Variants in TNKS observed in about 807,000 individuals in gnomAD.
TNKS encodes the protein poly [ADP-ribose] polymerase tankyrase-1.
Under a neutral mutation model 135.8 loss-of-function variants are expected in TNKS, and 72 were observed. The observed-to-expected ratio is 0.53, with a 90% CI of 0.44 to 0.64. TNKS has a LOEUF of 0.64. Among genes scored for constraint, TNKS ranks in the 30% least tolerant of loss-of-function variants. TNKS has a pLI of 0.00. For synonymous variants in TNKS, 849 were observed against 649.3 expected, an observed-to-expected ratio of 1.31 and a Z score of -4.68; for missense variants, 1,769 against 1,674.0, an observed-to-expected ratio of 1.06 and a Z score of -0.99.
At chr8:9,644,841 A>G (rs1009467933) in intron 3 of TNKS, among the ~76,000 whole-genome samples, 4 of 152,078 alleles carry the variant, frequency 2.6e-5, no homozygotes, top group South Asian at 2.1e-4. Flanking sequence ...TGCCCATACA[A>G]CCATTCTGTT....
At chr8:9,585,120 TG>T (rs1386736942) in intron 2 of TNKS, among the ~76,000 whole-genome samples, 6 of 151,902 alleles carry the variant, frequency 3.9e-5, no homozygotes, top group Non-Finnish European at 8.8e-5. Context: ...AGAAATTTCC[TG>T]GGGCCAAAAC....
chr8:9,648,561 CA>C (rs766137657), intron 3 of TNKS, among the ~76,000 whole-genome samples: 3 of 152,162 alleles, frequency 2.0e-5, no homozygotes, highest in Non-Finnish European at 4.4e-5. Flanking sequence ...CATTTGTTAT[CA>C]TTTTCAAGTA....
intron 25 of TNKS, among the ~76,000 whole-genome samples, chr8:9,767,874 G>C (rs961344898): frequency 2.0e-5 from 3 of 151,430 alleles, no homozygotes; most frequent in Admixed American, 1.3e-4. Context: ...CAGGAGAATG[G>C]TGAGTACCCA....
intron 4 of TNKS, 39 bp downstream of exon 4, chr8:9,680,026 T>G: frequency 2.6e-6 from 4 of 1,518,814 alleles, no homozygotes; most frequent in Non-Finnish European, 3.7e-6. Flanking sequence ...TATAATGCAT[T>G]AAGGAAGAGA....
At chr8:9,696,017 A>G (rs1478069678) in intron 5 of TNKS, among the ~76,000 whole-genome samples, 2 of 152,240 alleles carry the variant, frequency 1.3e-5, no homozygotes, top group Non-Finnish European at 2.9e-5. Flanking sequence ...AGGCAGTTGG[A>G]TTATAGCATA....
At chr8:9,749,477 T>C (rs1176476334) in intron 18 of TNKS, among the ~76,000 whole-genome samples, 1 of 151,298 alleles carries the variant, frequency 6.6e-6, no homozygotes, top group African/African-American at 2.4e-5. Context: ...TTTTCTTTTT[T>C]TTTTTTTTCC....
Position 9,735,011 on chromosome 8 carries a change from G to C in TNKS, c.2460G>C (p.Gln820His). The change falls in exon 16 of 27, where the codon CAG becomes CAC. Residue 820 changes from glutamine to histidine, a missense_variant. Gln to His is a conservative substitution (Grantham distance 24). Transcript: ENST00000310430. ...AAKKGCLARV[Q>H]KLCTPENINC... ...AGAAGGGCTGCCTGGCAAGAGTGCA[G>C]AAGCTCTGTACCCCAGAGAATATCA... The C allele has an allele frequency of 1.9e-6, 3 of 1,614,176 alleles. No individual in the cohort carries two copies. The highest frequency in any genetic ancestry group is 2.5e-6 in the Non-Finnish European group (3 of 1,180,030).
At chr8:9,589,692 G>C (rs1563099352) in intron 2 of TNKS, among the ~76,000 whole-genome samples, 2 of 152,260 alleles carry the variant, frequency 1.3e-5, no homozygotes, top group African/African-American at 2.4e-5. Context: ...CTACAACTGA[G>C]AGTAAATTGA....
At chr8:9,594,440 A>G (rs1447579340) in intron 2 of TNKS, among the ~76,000 whole-genome samples, 2 of 152,246 alleles carry the variant, frequency 1.3e-5, no homozygotes, top group Non-Finnish European at 2.9e-5. Context: ...TTAAATGCTT[A>G]ATGACCGTAT....
intron 13 of TNKS, among the ~76,000 whole-genome samples, chr8:9,729,601 G>C (rs145270168): frequency 6.6e-6 from 1 of 152,054 alleles, no homozygotes; most frequent in Admixed American, 6.6e-5. Context: ...AGCAGGGTTT[G>C]AGTCTTTATT....
chr8:9,666,433 A>G (rs1287459860), intron 3 of TNKS, among the ~76,000 whole-genome samples: 1 of 152,184 alleles, frequency 6.6e-6, no homozygotes, highest in Non-Finnish European at 1.5e-5. Context: ...TAAAAAGTAA[A>G]ATATGGCTGG....
rs375431409 is a variant in TNKS, at chr8:9,691,563, T to TG, written c.1107+10764dup. Among the ~76,000 whole-genome samples, 185 of 152,332 alleles carry TG rather than the reference T, an allele frequency of 1.2e-3. 1 individual carries two copies. Among genetic ancestry groups the TG allele is most frequent in the African/African-American group, 4.1e-3 (170 of 41,576 alleles). ...CAGAATGAGAGTTTCTAAGTCAGAC[T>TG]GCCTGGATTTGACTCCTGACTCTGC... On this transcript the variant is annotated intron_variant, in intron 5 of 26. Coordinates refer to ENST00000310430, the MANE Select transcript of TNKS (RefSeq NM_003747.3).
chr8:9,568,557 A>G (rs569889408), intron 1 of TNKS, among the ~76,000 whole-genome samples: 3 of 152,360 alleles, frequency 2.0e-5, no homozygotes, highest in South Asian at 2.1e-4. Flanking sequence ...TGTGTAAACA[A>G]CATTCTTAAT....
At position 9,596,137 on chromosome 8, in the gene TNKS, G is replaced by A. The variant is rs372568270; in HGVS notation, c.898+15754G>A. On this transcript the variant is annotated intron_variant, in intron 2 of 26. Transcript: ENST00000310430. ...AATACATATATACATACATACATAC[G>A]TACATACACACATACATACTGTAGT... Among the ~76,000 whole-genome samples the A allele has an allele frequency of 9.0e-4, 137 of 152,118 alleles. 1 individual carries two copies. Among genetic ancestry groups the A allele is most frequent in the African/African-American group, 3.1e-3 (128 of 41,516 alleles).
intron 13 of TNKS, 116 bp downstream of exon 13, chr8:9,726,836 C>T: frequency 1.2e-6 from 1 of 821,884 alleles, no homozygotes; most frequent in Non-Finnish European, 1.9e-6. Context: ...TGAACAGAGT[C>T]ATGGGCAGGA....
At chr8:9,670,359 G>A (rs13267242) in intron 3 of TNKS, among the ~76,000 whole-genome samples, 35,239 of 151,886 alleles carry the variant, frequency 0.23, 4,467 homozygotes, top group Admixed American at 0.32. Context: ...TCAAATTTAG[G>A]TCATCTTAAA....
chr8:9,660,198 A>G (rs912633151), intron 3 of TNKS, among the ~76,000 whole-genome samples: 2 of 152,230 alleles, frequency 1.3e-5, no homozygotes, highest in African/African-American at 4.8e-5. Flanking sequence ...AACTATTCCA[A>G]TCAATAGAAA....
In TNKS at chr8:9,706,777, T is replaced by C. The variant is rs1804067386; in HGVS notation, c.1270-34T>C. On this transcript the variant is annotated intron_variant, in intron 7 of 26. Transcript: ENST00000310430. ...AGTTTTATTTGATCCAGCAAAATGA[T>C]TACTGACCTAAAATGTTTTTTTTCT... 6 of 1,566,690 alleles carry C rather than the reference T, an allele frequency of 3.8e-6. No individual in the cohort carries two copies. In the Admixed American group the frequency reaches 6.1e-5, roughly 16 times the overall value.
At chr8:9,708,628 T>G (rs115891075) in intron 9 of TNKS, 136 bp downstream of exon 9, 4 of 994,470 alleles carry the variant, frequency 4.0e-6, no homozygotes, top group South Asian at 6.0e-5. Context: ...TTTGGTTGCA[T>G]TGATTTTTAA....
Sources: gnomAD v4.1 joint callset for allele counts (sites outside exome capture counted in the v4.1 genomes callset) on GRCh38, gnomAD v4.1.1 for gene constraint, MANE v1.5 for transcripts, NCBI Gene and HGNC (gene_info 2026-07-23, HGNC 2026-07-21) for gene names.